The following IPO4 variants were observed in gnomAD, a reference collection of about 807,000 sequenced individuals.
IPO4 encodes importin 4, also known as importin-4.
IPO4 carries 91 observed loss-of-function variants against 133.5 expected under a neutral mutation model. The ratio of observed to expected loss-of-function variants is 0.68; its 90% confidence interval spans 0.58 to 0.81. The LOEUF is 0.81. Among genes scored for constraint, IPO4 ranks in the 30% least tolerant of loss-of-function variants. IPO4 has a pLI of 0.00. For synonymous variants in IPO4, 607 were observed against 581.6 expected (o/e 1.04, Z -0.63); for missense variants, 1,279 against 1,386.2 (o/e 0.92, Z 1.23).
intron 7 of IPO4, 25 bp downstream of exon 7, chr14:24,187,060 A>G (rs2039233157): frequency 6.2e-7 from 1 of 1,613,274 alleles, no homozygotes. Context: ...TCCTTCCAAC[A>G]GAGCTCCTGC....
chr14:24,182,948 C>T (rs1474719370), intron 23 of IPO4, 28 bp downstream of exon 23: 1 of 1,613,336 alleles, frequency 6.2e-7, no homozygotes, highest in African/African-American at 1.3e-5. Flanking sequence ...AGCACCTCTC[C>T]TTCCCGAAGC....
chr14:24,186,214 G>A (rs757030238), intron 10 of IPO4, 32 bp from the exon 11 acceptor site: 3 of 1,612,128 alleles, frequency 1.9e-6, no homozygotes, highest in Non-Finnish European at 2.5e-6. Flanking sequence ...TACTTTGCTT[G>A]ACTCCATCTC....
At position 24,188,764 on chromosome 14, in the gene IPO4, C is replaced by G; in HGVS notation, c.24G>C (p.Gln8His). The G allele has an allele frequency of 6.6e-7, 1 of 1,519,388 alleles. No homozygotes were observed. Among genetic ancestry groups the G allele is most frequent in the Non-Finnish European group, 8.8e-7 (1 of 1,135,420 alleles). 94.1% of individuals were successfully genotyped at this position (1,519,388 alleles called of 1,614,324 possible). Residue 8 changes from glutamine to histidine, a missense_variant, in exon 1 of 30, where the codon CAG becomes CAC. Gln to His is a conservative substitution (Grantham distance 24). Transcript: ENST00000354464. MESAGLE[Q>H]LLRELLLPDT... is the part of the protein sequence containing the mutation. ...CCGGTAGCAGCAGCTCCCGTAGGAG[C>G]TGCTCTAGCCCGGCTGACTCCATGG...
chr14:24,187,398 A>T lies in IPO4; in HGVS notation c.588+2T>A. The T allele has an allele frequency of 6.2e-7, 1 of 1,613,764 alleles. No individual in the cohort carries two copies. Among genetic ancestry groups the T allele is most frequent in the South Asian group, 1.1e-5 (1 of 91,058 alleles). On this transcript the variant is annotated splice_donor_variant, in intron 6 of 29. Transcript: ENST00000354464. LOFTEE classifies it high-confidence loss of function. ...CAAAGATAACGAGGGCCCACATCTC[A>T]CCACATCTTCAGTGCTGAGGTAGGG...
rs909994980 is a variant in IPO4, at chr14:24,184,542, T to G, written c.1636+108A>C. 117 of 1,426,740 alleles carry G rather than the reference T, an allele frequency of 8.2e-5. No homozygotes were observed. In the African/African-American group the frequency reaches 1.5e-3, roughly 19 times the overall value. The allele number at this position is 1,426,740 out of a possible 1,614,324, so 88.4% of individuals were successfully genotyped here. Reference sequence around the variant, plus strand: ...TGGTACAGCATGAAGCACACCCCTTTGATGAGAAGGAAGACATCCGTGCTC... The same window carrying G: ...TGGTACAGCATGAAGCACACCCCTTGGATGAGAAGGAAGACATCCGTGCTC... On this transcript the variant is annotated intron_variant, in intron 16 of 29. Coordinates refer to ENST00000354464, the MANE Select transcript of IPO4 (RefSeq NM_024658.4).
rs2039178864 is a variant in IPO4 at position 24,183,885 on chromosome 14, C to T, written c.1883G>A (p.Gly628Glu). The change falls in exon 19 of 30, where the codon GGG becomes GAG. Residue 628 changes from glycine to glutamate, a missense_variant. Physicochemically the swap from Gly to Glu is moderately conservative, Grantham distance 98. Around this residue, in one of 3 missense-constraint regions of IPO4, gnomAD observed 575 missense variants for 653.4 expected, o/e 0.88. Coordinates refer to ENST00000354464, the MANE Select transcript of IPO4 (RefSeq NM_024658.4). ...GTCAAACAGAAGGAAGGAGCTGCTC[C>T]CGTCATACTGAGGCTGGAGCGGAGG... ...STEGIVPQYD[G>E]SSSFLLFDDE... 1.9e-6 allele frequency: 3 copies of T among 1,614,060 alleles called. No individual in the cohort carries two copies. The Admixed American group carries it at 5.0e-5, about 27-fold the overall frequency.
chr14:24,180,437 G>A lies in IPO4; in HGVS notation c.*5C>T. On this transcript the variant is annotated 3_prime_UTR_variant, in exon 30 of 30. Coordinates refer to ENST00000354464, the MANE Select transcript of IPO4 (RefSeq NM_024658.4). Reference sequence around the variant, plus strand: ...ATTCTCTCTGGACTGGCTGCAGCCTGCAGTCTAGGAGAGGCCCAGTACAGC... The same window carrying A: ...ATTCTCTCTGGACTGGCTGCAGCCTACAGTCTAGGAGAGGCCCAGTACAGC... 6.2e-7 allele frequency: 1 copy of A among 1,603,782 alleles called. No individual in the cohort carries two copies. Among genetic ancestry groups the A allele is most frequent in the East Asian group, 2.2e-5 (1 of 44,536 alleles).
intron 24 of IPO4, 176 bp from the exon 25 acceptor site, chr14:24,182,579 C>G: frequency 1.0e-6 from 1 of 985,574 alleles, no homozygotes; most frequent in Non-Finnish European, 1.5e-6. Flanking sequence ...TCTTCTGCTC[C>G]TACCTATCAC....
chr14:24,186,796 C>A lies in IPO4; in HGVS notation c.757-5G>T. 1 of 1,613,984 alleles carries A rather than the reference C, an allele frequency of 6.2e-7. No homozygotes were observed. The highest frequency in any genetic ancestry group is 8.5e-7 in the Non-Finnish European group (1 of 1,179,862). On this transcript the variant is annotated splice_polypyrimidine_tract_variant and splice_region_variant and intron_variant, in intron 8 of 29. Coordinates refer to ENST00000354464, the MANE Select transcript of IPO4 (RefSeq NM_024658.4). ...CAGGGCCACATTTCTAGCTACCTGT[C>A]CACAGAATAATAAAAATCAGCGACA...
In IPO4 at chr14:24,186,061, G is replaced by A. The variant is rs148240891; in HGVS notation, c.1059+68C>T. On this transcript the variant is annotated intron_variant, in intron 11 of 29. Transcript: ENST00000354464. Reference sequence around the variant, plus strand: ...CCTTCACACCTCCCAGGGTCTAAACGTCGTTGGCCTCAGGGGGACTAGGCA... The same window carrying A: ...CCTTCACACCTCCCAGGGTCTAAACATCGTTGGCCTCAGGGGGACTAGGCA... The A allele has an allele frequency of 1.3e-5, 21 of 1,599,856 alleles. 1 individual carries two copies. The highest frequency in any genetic ancestry group is 3.3e-4 in the Middle Eastern group (2 of 6,018).
rs780257782 is a variant in IPO4, at chr14:24,182,421, G to C, written c.2473-18C>G. The stretch of plus-strand genomic sequence containing the variant: ...TATTCAGCCTGTGGAGCCAGGTCAG[G>C]GGCTGGAGCACCAGGGCCAGCTCAG... On this transcript the variant is annotated intron_variant, in intron 24 of 29. Transcript: ENST00000354464. The C allele has an allele frequency of 5.7e-6, 9 of 1,569,654 alleles. 1 individual carries two copies. The South Asian group carries it at 1.0e-4, about 18-fold the overall frequency.
intron 28 of IPO4, 60 bp downstream of exon 28, chr14:24,181,453 G>A: frequency 2.9e-6 from 4 of 1,397,926 alleles, no homozygotes; most frequent in Middle Eastern, 1.8e-4. Flanking sequence ...TCAGCAGACA[G>A]TGCCTATCAC....
chr14:24,188,745 G>C lies in IPO4; in HGVS notation c.43C>G (p.Leu15Val), dbSNP rs1055976895. The stretch of plus-strand genomic sequence containing the variant: ...CGACGGATGCGCTCGGTGTCCGGTA[G>C]CAGCAGCTCCCGTAGGAGCTGCTCT... ...GLEQLLRELL[L>V]PDTERIRRAT... The change falls in exon 1 of 30, where the codon CTA becomes GTA. Residue 15 changes from leucine (L) to valine (V), a missense_variant. Physicochemically the swap from Leu to Val is conservative, Grantham distance 32. Around this residue, in one of 3 missense-constraint regions of IPO4, gnomAD observed 695 missense variants for 704.1 expected, o/e 0.99. Transcript: ENST00000354464. 1 of 1,546,260 alleles carries C rather than the reference G, an allele frequency of 6.5e-7. No homozygotes were observed. The highest frequency in any genetic ancestry group is 8.7e-7 in the Non-Finnish European group (1 of 1,145,260).
rs145493403 is a variant in IPO4, at chr14:24,187,523, G to A, written c.465C>T (p.Pro155=). The A allele has an allele frequency of 5.0e-6, 8 of 1,614,160 alleles. No homozygotes were observed. The highest frequency in any genetic ancestry group is 6.8e-6 in the Non-Finnish European group (8 of 1,180,032). ...VVTSRPEAFQ[P]HHRELLRLLN... Reference sequence around the variant, plus strand: ...GAAGCCGAAGAAGCTCCCGGTGGTGGGGTTGGAAGGCCTCGGGCCGGGAGG... The same window carrying A: ...GAAGCCGAAGAAGCTCCCGGTGGTGAGGTTGGAAGGCCTCGGGCCGGGAGG... The change falls in exon 6 of 30, where the codon CCC becomes CCT. Residue 155 remains proline (P), a synonymous_variant. Transcript: ENST00000354464.
intron 24 of IPO4, 63 bp downstream of exon 24, chr14:24,182,729 C>A (rs2039159977): frequency 1.1e-5 from 17 of 1,578,880 alleles, no homozygotes; most frequent in Non-Finnish European, 1.5e-5. Flanking sequence ...ATACACTGTC[C>A]ACCCCTGTCC....
Position 24,187,106 on chromosome 14 carries a change from C to T in IPO4, c.633G>A (p.Gln211=). Residue 211 remains glutamine, a synonymous_variant, in exon 7 of 30, where the codon CAG becomes CAA. Transcript: ENST00000354464. The part of the protein sequence containing the change: ...MLVPKLIMAM[Q]TLIPIDEAKA... ...TCACCTCATCTATGGGGATCAGAGT[C>T]TGCATGGCCATGATCAGCTTGGGCA... 1 of 1,614,054 alleles carries T rather than the reference C, an allele frequency of 6.2e-7. No homozygotes were observed. Among genetic ancestry groups the T allele is most frequent in the Non-Finnish European group, 8.5e-7 (1 of 1,179,952 alleles).
At chr14:24,182,512 G>A (rs566619681) in intron 24 of IPO4, 109 bp from the exon 25 acceptor site, 1 of 1,449,250 alleles carries the variant, frequency 6.9e-7, no homozygotes, top group Non-Finnish European at 9.3e-7. Context: ...GCCCTTGGTT[G>A]ATAGGGCTGG....
Position 24,185,887 on chromosome 14 carries a change from G to A in IPO4, c.1143C>T (p.Asp381=), listed in dbSNP as rs377252793. 46 of 1,613,822 alleles carry A rather than the reference G, an allele frequency of 2.9e-5. No individual in the cohort carries two copies. The East Asian group carries it at 5.8e-4, about 20-fold the overall frequency. ...TCTGCCTGATGTGGTCGCCAGCTCC[G>A]TCAGACAGCACGGCCAGCACCAGGA... ...AGLLVLAVLS[D]GAGDHIRQRL... is the part of the protein sequence containing the mutation. Residue 381 remains aspartate (D), a synonymous_variant, in exon 12 of 30, where the codon GAC becomes GAT. Coordinates refer to ENST00000354464, the MANE Select transcript of IPO4 (RefSeq NM_024658.4).
rs777523326 is a variant in IPO4, at chr14:24,181,800, G to A, written c.2851C>T (p.Arg951Trp). ...TCACGGACACGATCATGTCGCTCCC[G>A]CGCCAGGAGGGGAAAAAGGAGCCCC... is the stretch of plus-strand genomic sequence containing the variant. ...LLGLLFPLLARERHDRVRDNI... is the reference protein window; with the variant it reads ...LLGLLFPLLAWERHDRVRDNI... The change falls in exon 27 of 30, where the codon CGG becomes TGG. Residue 951 changes from arginine (R) to tryptophan (W), a missense_variant. Physicochemically the swap from Arg to Trp is moderately radical, Grantham distance 101. This residue lies in a region of IPO4 where 575 missense variants were observed against 653.4 expected (regional missense o/e 0.88). Coordinates refer to ENST00000354464, the MANE Select transcript of IPO4 (RefSeq NM_024658.4). The A allele has an allele frequency of 3.6e-5, 58 of 1,598,010 alleles. No homozygotes were observed. Among genetic ancestry groups the A allele is most frequent in the East Asian group, 1.8e-4 (8 of 44,664 alleles).
Sources: gnomAD v4.1 joint callset for allele counts on GRCh38, gnomAD v4.1.1 for gene constraint, gnomAD v4.1.1 regional missense constraint, MANE v1.5 for transcripts, NCBI Gene and HGNC (gene_info 2026-07-23, HGNC 2026-07-21) for gene names.